NRF1: variants seen among roughly 807,000 people sequenced by gnomAD.
NRF1 encodes nuclear respiratory factor 1, also known as alpha palindromic-binding protein.
NRF1 carries 5 observed loss-of-function variants against 58.5 expected under a neutral mutation model. That is an observed-to-expected ratio of 0.09 (90% CI 0.04 to 0.18). NRF1 has a LOEUF of 0.18. NRF1 is among the 10% of genes least tolerant of loss of function. The pLI, the probability that NRF1 is intolerant of heterozygous loss-of-function variation, is 1.00. For synonymous variants in NRF1, 224 were observed against 246.7 expected, an observed-to-expected ratio of 0.91 and a Z score of 0.86; for missense variants, 288 against 657.7, an observed-to-expected ratio of 0.44 and a Z score of 6.15.
Position 129,622,771 on chromosome 7 carries a change from C to T in NRF1, c.-7+10947C>T, listed in dbSNP as rs1345088790. Among the ~76,000 whole-genome samples, 3 of 152,082 alleles carry T rather than the reference C, an allele frequency of 2.0e-5. 1 individual carries two copies. The highest frequency in any genetic ancestry group is 4.2e-4 in the South Asian group (2 of 4,814). The stretch of plus-strand genomic sequence containing the variant: ...TTTTAGTTGAGACAGGATTTCACCA[C>T]GTTAGCTAGGCTAGTTTTGAACTCC... On this transcript the variant is annotated intron_variant, in intron 1 of 10. Transcript: ENST00000393232.
intron 1 of NRF1, among the ~76,000 whole-genome samples, chr7:129,648,469 C>T (rs755095068): frequency 9.9e-5 from 15 of 151,778 alleles, no homozygotes; most frequent in Middle Eastern, 3.2e-3. Flanking sequence ...TTAGTAGAGA[C>T]GGGGTTTCAC....
In NRF1 at chr7:129,667,244, C is replaced by G. The variant is rs74455828; in HGVS notation, c.224-4185C>G. Among the ~76,000 whole-genome samples, 14 of 152,292 alleles carry G rather than the reference C, an allele frequency of 9.2e-5. No homozygotes were observed. The East Asian group carries it at 2.7e-3, about 29-fold the overall frequency. ...GCCTGTTACTTCTCATTCTCACCAT[C>G]GGTGTTACCAGTCTTTTTCATTTTT... On this transcript the variant is annotated intron_variant, in intron 2 of 10. Coordinates refer to ENST00000393232, the MANE Select transcript of NRF1 (RefSeq NM_005011.5).
chr7:129,632,518 G>A (rs6969098), intron 1 of NRF1, among the ~76,000 whole-genome samples: 29,330 of 151,722 alleles, frequency 0.19, 3,114 homozygotes, highest in East Asian at 0.47. Flanking sequence ...GAAGCTTATT[G>A]GGCACCCCTT....
At chr7:129,611,948 GGGCCCCCGCCGGATT>G (rs1281429484) in intron 1 of NRF1, 124 bp downstream of exon 1, 1 of 148,384 alleles carries the variant, frequency 6.7e-6, no homozygotes, top group Non-Finnish European at 1.5e-5. Flanking sequence ...CTCTGGGCCT[GGGCCCCCGCCGGATT>G]CGGCCCGCCT....
chr7:129,614,150 C>T (rs896260442), intron 1 of NRF1, among the ~76,000 whole-genome samples: 13 of 152,178 alleles, frequency 8.5e-5, no homozygotes, highest in Non-Finnish European at 1.8e-4. Flanking sequence ...GAGTCTCACT[C>T]TGTCACCCAG....
chr7:129,667,240 C>T (rs1318494492), intron 2 of NRF1, among the ~76,000 whole-genome samples: 1 of 152,200 alleles, frequency 6.6e-6, no homozygotes, highest in African/African-American at 2.4e-5. Context: ...CTCATTCTCA[C>T]CATCGGTGTT....
intron 8 of NRF1, among the ~76,000 whole-genome samples, chr7:129,713,019 A>T (rs1390613210): frequency 6.6e-6 from 1 of 152,056 alleles, no homozygotes; most frequent in Non-Finnish European, 1.5e-5. Flanking sequence ...TAAAGAAAGT[A>T]ACTTCGTTTC....
In NRF1 at chr7:129,712,021, T is replaced by C. The variant is rs62489300; in HGVS notation, c.1065+445T>C. ...ATCTTAAATATGCCTTTGAAAAGATTTCTTAGGAGAATTCTTCCTTACCAA... is the reference window on the plus strand; with the variant it reads ...ATCTTAAATATGCCTTTGAAAAGATCTCTTAGGAGAATTCTTCCTTACCAA... On this transcript the variant is annotated intron_variant, in intron 8 of 10. Coordinates refer to ENST00000393232, the MANE Select transcript of NRF1 (RefSeq NM_005011.5). Among the ~76,000 whole-genome samples, 962 of 152,344 alleles carry C rather than the reference T, an allele frequency of 6.3e-3. 3 individuals carry two copies. Among genetic ancestry groups the C allele is most frequent in the South Asian group, 8.5e-3 (41 of 4,820 alleles).
chr7:129,643,556 G>A (rs1470632444), intron 1 of NRF1, among the ~76,000 whole-genome samples: 1 of 152,220 alleles, frequency 6.6e-6, no homozygotes, highest in Admixed American at 6.5e-5. Context: ...TGACCCAGTT[G>A]CAAATGCTTG....
intron 10 of NRF1, among the ~76,000 whole-genome samples, chr7:129,728,734 C>T (rs1229084077): frequency 1.3e-5 from 2 of 152,194 alleles, no homozygotes; most frequent in African/African-American, 4.8e-5. Flanking sequence ...ATAGGAAATG[C>T]AAAGAGCCAT....
intron 4 of NRF1, among the ~76,000 whole-genome samples, chr7:129,683,500 TTA>T (rs1322508401): frequency 6.6e-6 from 1 of 151,716 alleles, no homozygotes; most frequent in African/African-American, 2.4e-5. Context: ...CGGCTATTTT[TTA>T]TGTTTTTACT....
At chr7:129,669,685 TAA>T in intron 2 of NRF1, among the ~76,000 whole-genome samples, 1 of 152,140 alleles carries the variant, frequency 6.6e-6, no homozygotes, top group East Asian at 1.9e-4. Context: ...ATCAAAAATA[TAA>T]ACTAGTGGCG....
chr7:129,696,026 C>CA (rs1332999636), intron 5 of NRF1, among the ~76,000 whole-genome samples: 2 of 134,666 alleles, frequency 1.5e-5, no homozygotes, highest in African/African-American at 5.6e-5. Context: ...AGTTCGAGAC[C>CA]AGCCTGACCA....
At chr7:129,663,511 G>A (rs1466408044) in intron 2 of NRF1, among the ~76,000 whole-genome samples, 16 of 148,310 alleles carry the variant, frequency 1.1e-4, no homozygotes, top group Admixed American at 3.4e-4. Context: ...GGGCAGAGGC[G>A]CTCCCCACCT....
At chr7:129,670,680 C>T (rs1308677174) in intron 2 of NRF1, among the ~76,000 whole-genome samples, 1 of 152,212 alleles carries the variant, frequency 6.6e-6, no homozygotes, top group East Asian at 1.9e-4. Context: ...TCCCAGGAAT[C>T]AGAGACTTCA....
At chr7:129,701,469 G>A (rs1802822903) in intron 5 of NRF1, among the ~76,000 whole-genome samples, 3 of 151,784 alleles carry the variant, frequency 2.0e-5, no homozygotes, top group Admixed American at 6.6e-5. Context: ...CCATGGTAAC[G>A]CATGCCTGTA....
At chr7:129,688,944 TG>T (rs201383267) in intron 4 of NRF1, among the ~76,000 whole-genome samples, 3,072 of 152,258 alleles carry the variant, frequency 0.02, 53 homozygotes, top group Middle Eastern at 0.058. Flanking sequence ...TGTGTGTGTG[TG>T]TGTGAGTAGG....
rs541431392 is a variant in NRF1, at chr7:129,717,259, C to G, written c.1106C>G (p.Thr369Ser). 4 of 1,613,732 alleles carry G rather than the reference C, an allele frequency of 2.5e-6. No homozygotes were observed. The South Asian group carries it at 4.4e-5, about 18-fold the overall frequency. ...NWATLQGGEM[T>S]IQTTQASEAT... ...GCCACGTTACAGGGAGGTGAGATGA[C>G]CATCCAGACGACGCAAGCATCAGAG... is the stretch of plus-strand genomic sequence containing the variant. The change falls in exon 9 of 11, where the codon ACC becomes AGC. Residue 369 changes from threonine to serine, a missense_variant. Around this residue, in one of 3 missense-constraint regions of NRF1, gnomAD observed 212 missense variants for 559.7 expected, o/e 0.38. Coordinates refer to ENST00000393232, the MANE Select transcript of NRF1 (RefSeq NM_005011.5).
intron 10 of NRF1, among the ~76,000 whole-genome samples, chr7:129,744,936 T>A (rs1355162406): frequency 2.6e-5 from 4 of 152,030 alleles, no homozygotes; most frequent in Non-Finnish European, 5.9e-5. Flanking sequence ...GACAGGCACA[T>A]GGGGGTTCAT....
Sources: allele counts gnomAD v4.1 joint callset (sites outside exome capture counted in the v4.1 genomes callset), GRCh38; gene constraint gnomAD v4.1.1; regional missense constraint gnomAD v4.1.1; transcripts MANE v1.5; gene names NCBI Gene and HGNC (gene_info 2026-07-23, HGNC 2026-07-21).